The following RGS7 variants were observed in gnomAD, a reference collection of about 807,000 sequenced individuals.
The protein encoded by RGS7 is regulator of G-protein signaling 7.
In RGS7, 27 loss-of-function variants were observed where a neutral mutation model predicts 81.1. The observed-to-expected ratio is 0.33, with a 90% CI of 0.25 to 0.46. RGS7 has a LOEUF of 0.46. Ranked by LOEUF, RGS7 falls within the 20% of genes least tolerant of loss-of-function variation. RGS7 has a pLI of 1.00. For synonymous variants in RGS7, 208 were observed against 207.7 expected (o/e 1.00, Z -0.01); for missense variants, 396 against 607.4 (o/e 0.65, Z 3.66).
chr1:240,867,868 G>A (rs1325614361), intron 9 of RGS7, among the ~76,000 whole-genome samples: 2 of 151,898 alleles, frequency 1.3e-5, no homozygotes, highest in Non-Finnish European at 2.9e-5. Context: ...CAGGCTTGGT[G>A]GCACATGCCT....
intron 2 of RGS7, among the ~76,000 whole-genome samples, chr1:241,266,438 C>T (rs926198186): frequency 6.6e-6 from 1 of 152,194 alleles, no homozygotes; most frequent in Non-Finnish European, 1.5e-5. Context: ...AGATCACACA[C>T]TTATTCCATT....
At chr1:240,798,274 A>G (rs1226137893) in intron 18 of RGS7, among the ~76,000 whole-genome samples, 2 of 152,180 alleles carry the variant, frequency 1.3e-5, no homozygotes, top group Non-Finnish European at 2.9e-5. Context: ...AAGTGCTAGT[A>G]AGTATTTATG....
At chr1:240,887,895 C>A in intron 6 of RGS7, among the ~76,000 whole-genome samples, 1 of 152,146 alleles carries the variant, frequency 6.6e-6, no homozygotes, top group Non-Finnish European at 1.5e-5. Context: ...ACGTTGCATA[C>A]AATTAATCAG....
intron 3 of RGS7, among the ~76,000 whole-genome samples, chr1:241,012,430 A>T (rs1438542944): frequency 4.6e-5 from 7 of 152,188 alleles, no homozygotes; most frequent in African/African-American, 1.7e-4. Flanking sequence ...TCCCCAGATG[A>T]CAGTAAGTCA....
At chr1:241,343,843 G>T (rs1243627467) in intron 2 of RGS7, among the ~76,000 whole-genome samples, 1 of 151,668 alleles carries the variant, frequency 6.6e-6, no homozygotes, top group African/African-American at 2.4e-5. Flanking sequence ...AGCTAAAATG[G>T]TACATTTTAT....
intron 3 of RGS7, among the ~76,000 whole-genome samples, chr1:240,985,654 G>A (rs933227426): frequency 2.0e-5 from 3 of 151,882 alleles, no homozygotes; most frequent in African/African-American, 4.8e-5. Context: ...TTGTGTGATC[G>A]CCCCAGCATA....
At chr1:241,106,729 A>C (rs113546858) in intron 2 of RGS7, among the ~76,000 whole-genome samples, 25,120 of 133,284 alleles carry the variant, frequency 0.19, 2,953 homozygotes, top group African/African-American at 0.36. Context: ...AAAAAAAAAA[A>C]AAAAAAAAAA....
chr1:240,908,970 C>T (rs1336507301), intron 6 of RGS7, among the ~76,000 whole-genome samples: 1 of 152,192 alleles, frequency 6.6e-6, no homozygotes, highest in Non-Finnish European at 1.5e-5. Flanking sequence ...ACTAAATTTG[C>T]TTGTTAATAA....
chr1:241,015,701 T>C (rs968065875), intron 3 of RGS7, among the ~76,000 whole-genome samples: 1 of 152,264 alleles, frequency 6.6e-6, no homozygotes. Flanking sequence ...ATCAAGTGAA[T>C]TTATGTAAGT....
At chr1:240,888,100 A>G (rs1667684058) in intron 6 of RGS7, among the ~76,000 whole-genome samples, 1 of 152,182 alleles carries the variant, frequency 6.6e-6, no homozygotes, top group African/African-American at 2.4e-5. Flanking sequence ...GAGAAATACT[A>G]AGCAAAAAAT....
chr1:240,915,461 G>A (rs74149539), intron 6 of RGS7, among the ~76,000 whole-genome samples: 241 of 152,168 alleles, frequency 1.6e-3, no homozygotes, highest in African/African-American at 5.1e-3. Context: ...TGAACGCAAC[G>A]GAAAGAACTG....
At chr1:241,354,599 C>T (rs533423849) in intron 2 of RGS7, among the ~76,000 whole-genome samples, 4 of 152,228 alleles carry the variant, frequency 2.6e-5, no homozygotes, top group East Asian at 3.9e-4. Context: ...CTGGGCTACA[C>T]GGATGAAAAG....
chr1:241,118,181 C>T (rs1411936139), intron 2 of RGS7, among the ~76,000 whole-genome samples: 1 of 152,162 alleles, frequency 6.6e-6, no homozygotes, highest in Non-Finnish European at 1.5e-5. Flanking sequence ...CATGATTCAA[C>T]CAGCAGTTCA....
At chr1:240,893,205 C>T (rs146408109) in intron 6 of RGS7, among the ~76,000 whole-genome samples, 6 of 152,206 alleles carry the variant, frequency 3.9e-5, no homozygotes, top group East Asian at 1.9e-4. Context: ...ACTGGCAATA[C>T]GGTTGTTGAG....
At chr1:241,281,513 T>A (rs2078512178) in intron 2 of RGS7, among the ~76,000 whole-genome samples, 1 of 152,198 alleles carries the variant, frequency 6.6e-6, no homozygotes, top group East Asian at 1.9e-4. Flanking sequence ...GGGACCCACA[T>A]GAAATATCAC....
intron 2 of RGS7, among the ~76,000 whole-genome samples, chr1:241,345,495 A>T (rs1426355137): frequency 6.6e-6 from 1 of 152,210 alleles, no homozygotes; most frequent in East Asian, 1.9e-4. Flanking sequence ...AAGAGTTTTT[A>T]TAAAGGTAAA....
intron 3 of RGS7, among the ~76,000 whole-genome samples, chr1:241,089,063 C>CTCTCTCTATATATATATATATATA (rs1374552672): frequency 4.2e-5 from 1 of 23,686 alleles, no homozygotes; most frequent in African/African-American, 2.3e-4. Context: ...CTCTCTCTCT[C>CTCTCTCTATATATATATATATATA]TATATATATA....
At chr1:240,957,051 G>A (rs932898460) in intron 4 of RGS7, among the ~76,000 whole-genome samples, 2 of 152,140 alleles carry the variant, frequency 1.3e-5, no homozygotes, top group African/African-American at 4.8e-5. Context: ...TTGTTCCTGC[G>A]TGCGTCTGTG....
intron 3 of RGS7, among the ~76,000 whole-genome samples, chr1:241,052,571 T>C (rs1264447327): frequency 6.6e-6 from 1 of 152,118 alleles, no homozygotes; most frequent in Non-Finnish European, 1.5e-5. Flanking sequence ...TCTATTTCTA[T>C]AAAAAGCGAA....
Sources: allele counts gnomAD v4.1 joint callset (sites outside exome capture counted in the v4.1 genomes callset), GRCh38; gene constraint gnomAD v4.1.1; transcripts MANE v1.5; gene names NCBI Gene and HGNC (gene_info 2026-07-23, HGNC 2026-07-21).